Variants in MAGI1 observed in about 807,000 individuals in gnomAD.
The protein encoded by MAGI1 is membrane-associated guanylate kinase, WW and PDZ domain-containing protein 1.
In MAGI1, 58 loss-of-function variants were observed where a neutral mutation model predicts 139.9. The observed-to-expected ratio is 0.41, with a 90% CI of 0.34 to 0.52. The LOEUF (loss-of-function observed/expected upper bound fraction) is 0.52, where lower values mean the gene tolerates loss of function less well. Among genes scored for constraint, MAGI1 ranks in the 20% least tolerant of loss-of-function variants. The probability of loss-of-function intolerance (pLI) is 0.12; values close to 1 mark genes in which losing one functional copy is unlikely to be tolerated. For missense variants in MAGI1, 1,874 were observed against 1,901.6 expected, an observed-to-expected ratio of 0.99 and a Z score of 0.27; for synonymous variants, 812 against 737.9, an observed-to-expected ratio of 1.10 and a Z score of -1.63.
At chr3:66,017,276 C>CT (rs2067699914) in intron 1 of MAGI1, among the ~76,000 whole-genome samples, 1 of 152,234 alleles carries the variant, frequency 6.6e-6, no homozygotes, top group Non-Finnish European at 1.5e-5. Flanking sequence ...TCTCAACACG[C>CT]GCAGGGCGCG....
intron 1 of MAGI1, chr3:65,844,172 T>C: frequency 1.9e-6 from 1 of 517,940 alleles, no homozygotes; most frequent in Non-Finnish European, 3.8e-6. Context: ...GCTGCACATG[T>C]GTAAAAATGC....
chr3:65,502,711 T>G (rs562952943), intron 2 of MAGI1, among the ~76,000 whole-genome samples: 1 of 152,350 alleles, frequency 6.6e-6, no homozygotes, highest in South Asian at 2.1e-4. Flanking sequence ...GAATCTGACC[T>G]TTGGTTAATT....
At chr3:65,885,765 G>C (rs1252518733) in intron 1 of MAGI1, among the ~76,000 whole-genome samples, 2 of 152,186 alleles carry the variant, frequency 1.3e-5, no homozygotes, top group African/African-American at 4.8e-5. Flanking sequence ...ATGTGGAACT[G>C]TAAGTCCATT....
intron 12 of MAGI1, among the ~76,000 whole-genome samples, chr3:65,417,949 G>A (rs1054757900): frequency 1.1e-4 from 16 of 152,158 alleles, no homozygotes; most frequent in African/African-American, 1.4e-4. Flanking sequence ...AGCAGAGGGC[G>A]ATTTTGCCCC....
chr3:65,951,241 TA>T (rs1486470472), intron 1 of MAGI1, among the ~76,000 whole-genome samples: 1 of 152,228 alleles, frequency 6.6e-6, no homozygotes, highest in Non-Finnish European at 1.5e-5. Context: ...TCCAATATGG[TA>T]ACCCCCAGCA....
intron 1 of MAGI1, among the ~76,000 whole-genome samples, chr3:65,930,684 C>T (rs1421976308): frequency 6.6e-6 from 1 of 152,080 alleles, no homozygotes; most frequent in Non-Finnish European, 1.5e-5. Context: ...AAACAGGTTG[C>T]GGTAAAGAAG....
At position 65,730,709 on chromosome 3, in the gene MAGI1, G is replaced by T. The variant is rs183903717; in HGVS notation, c.314-108621C>A. On this transcript the variant is annotated intron_variant, in intron 1 of 22. Transcript: ENST00000402939. ...GGGAGAGATGCTACTGAGGAGATAAGGACAGCACTGTAACCCACAAATGTT... is the reference window on the plus strand; with the variant it reads ...GGGAGAGATGCTACTGAGGAGATAATGACAGCACTGTAACCCACAAATGTT... Among the ~76,000 whole-genome samples the T allele has an allele frequency of 2.5e-3, 376 of 152,300 alleles. 3 individuals carry two copies. The highest frequency in any genetic ancestry group is 8.4e-3 in the African/African-American group (349 of 41,556).
intron 12 of MAGI1, among the ~76,000 whole-genome samples, chr3:65,419,447 C>G (rs1008698903): frequency 1.3e-5 from 2 of 152,170 alleles, no homozygotes; most frequent in Non-Finnish European, 2.9e-5. Flanking sequence ...ATTGATTTCA[C>G]AGCCCAGTAA....
At chr3:65,706,517 A>G (rs1203232794) in intron 1 of MAGI1, among the ~76,000 whole-genome samples, 1 of 152,192 alleles carries the variant, frequency 6.6e-6, no homozygotes, top group African/African-American at 2.4e-5. Flanking sequence ...AATGAGCCAA[A>G]GTCCTCTCTC....
At chr3:65,966,515 G>A (rs1391513658) in intron 1 of MAGI1, among the ~76,000 whole-genome samples, 1 of 152,118 alleles carries the variant, frequency 6.6e-6, no homozygotes, top group African/African-American at 2.4e-5. Context: ...ACTATTGGGA[G>A]GCCAGGGCAG....
intron 1 of MAGI1, among the ~76,000 whole-genome samples, chr3:65,915,230 C>CA (rs1336691478): frequency 2.0e-5 from 3 of 152,182 alleles, no homozygotes; most frequent in Non-Finnish European, 2.9e-5. Context: ...ACAGGAGATA[C>CA]AAATGCTAGG....
intron 1 of MAGI1, among the ~76,000 whole-genome samples, chr3:65,889,423 T>G (rs1409122061): frequency 6.6e-6 from 1 of 152,220 alleles, no homozygotes; most frequent in Non-Finnish European, 1.5e-5. Flanking sequence ...CTCAACATTT[T>G]CAGTACAGAG....
intron 1 of MAGI1, among the ~76,000 whole-genome samples, chr3:65,760,030 T>C (rs2036885526): frequency 6.6e-6 from 1 of 152,156 alleles, no homozygotes; most frequent in African/African-American, 2.4e-5. Flanking sequence ...AATAGAATTG[T>C]GTTGGAAGTC....
chr3:65,748,651 G>A (rs1318702501), intron 1 of MAGI1, among the ~76,000 whole-genome samples: 1 of 152,130 alleles, frequency 6.6e-6, no homozygotes, highest in Non-Finnish European at 1.5e-5. Flanking sequence ...AGGAGCTGGT[G>A]ACCAAGTTGT....
intron 1 of MAGI1, among the ~76,000 whole-genome samples, chr3:65,766,313 C>A (rs536559039): frequency 6.6e-6 from 1 of 152,226 alleles, no homozygotes; most frequent in East Asian, 1.9e-4. Context: ...CAATTCCTGG[C>A]CTGGTGGACA....
At chr3:65,756,211 A>G (rs1385100874) in intron 1 of MAGI1, among the ~76,000 whole-genome samples, 1 of 152,174 alleles carries the variant, frequency 6.6e-6, no homozygotes, top group East Asian at 1.9e-4. Context: ...TGGATCCCTG[A>G]GAAAAAAATA....
At chr3:65,838,331 C>CA (rs1376700771) in intron 1 of MAGI1, among the ~76,000 whole-genome samples, 4 of 148,828 alleles carry the variant, frequency 2.7e-5, no homozygotes, top group Non-Finnish European at 5.9e-5. Flanking sequence ...AAAACAAAAA[C>CA]AAAAAAGATA....
At chr3:65,565,714 G>A (rs996941208) in intron 2 of MAGI1, among the ~76,000 whole-genome samples, 2 of 151,752 alleles carry the variant, frequency 1.3e-5, no homozygotes, top group African/African-American at 2.4e-5. Context: ...AAAATTAGCC[G>A]GGTGTGGTGG....
At chr3:65,922,708 G>A (rs2062268797) in intron 1 of MAGI1, among the ~76,000 whole-genome samples, 1 of 152,180 alleles carries the variant, frequency 6.6e-6, no homozygotes, top group African/African-American at 2.4e-5. Flanking sequence ...CACCTGAGAG[G>A]AGAACACGAT....
Sources: gnomAD v4.1 joint callset for allele counts (sites outside exome capture counted in the v4.1 genomes callset) on GRCh38, gnomAD v4.1.1 for gene constraint, MANE v1.5 for transcripts, NCBI Gene and HGNC (gene_info 2026-07-23, HGNC 2026-07-21) for gene names.